Variants in OR2Z1 observed in about 807,000 individuals in gnomAD.
OR2Z1 encodes olfactory receptor 2Z1.
For synonymous variants in OR2Z1, 188 were observed against 160.6 expected (o/e 1.17, Z -1.29); for missense variants, 449 against 401.8 (o/e 1.12, Z -1.00).
intron 2 of OR2Z1, among the ~76,000 whole-genome samples, chr19:8,724,702 C>T (rs2043320934): frequency 6.6e-6 from 1 of 152,054 alleles, no homozygotes; most frequent in South Asian, 2.1e-4. Flanking sequence ...AAGACAGATG[C>T]TCGACCACCT....
rs192485310 is a variant in OR2Z1 at position 8,729,027 on chromosome 19, T to C, written c.-169-1833T>C. 32 of 969,498 alleles carry C rather than the reference T, an allele frequency of 3.3e-5. 1 individual carries two copies. The highest frequency in any genetic ancestry group is 3.1e-4 in the African/African-American group (19 of 61,736). The allele number at this position is 969,498 out of a possible 1,614,324, so 60.1% of individuals were successfully genotyped here. ...TCTCCTGGGGGTGCTCTTTCGAGGA[T>C]ATTTGGGCTGCCTCCGGAGTCACAG... On this transcript the variant is annotated intron_variant, in intron 2 of 2. Coordinates refer to ENST00000641125, the MANE Select transcript of OR2Z1 (RefSeq NM_001004699.3).
At position 8,728,409 on chromosome 19, in the gene OR2Z1, C is replaced by T. The variant is rs570573245; in HGVS notation, c.-169-2451C>T. ...AAATTGAGTCAGACTACCCACAGGCCGCTGCTCTCCCATCCAATGCAGTGA... is the reference window on the plus strand; with the variant it reads ...AAATTGAGTCAGACTACCCACAGGCTGCTGCTCTCCCATCCAATGCAGTGA... On this transcript the variant is annotated intron_variant, in intron 2 of 2. Transcript: ENST00000641125. Among the ~76,000 whole-genome samples, 7 of 152,242 alleles carry T rather than the reference C, an allele frequency of 4.6e-5. No homozygotes were observed. In the South Asian group the frequency reaches 1.2e-3, roughly 27 times the overall value.
At chr19:8,724,077 GC>G (rs1376251546) in intron 2 of OR2Z1, among the ~76,000 whole-genome samples, 3 of 151,232 alleles carry the variant, frequency 2.0e-5, no homozygotes, top group African/African-American at 7.3e-5. Flanking sequence ...TGTGTGAAAT[GC>G]CGATGCAAGA....
chr19:8,727,159 G>T (rs539637019), intron 2 of OR2Z1, among the ~76,000 whole-genome samples: 1 of 152,174 alleles, frequency 6.6e-6, no homozygotes, highest in East Asian at 1.9e-4. Context: ...GCCCAGGCTG[G>T]TCTCAAACTC....
At chr19:8,729,022 G>A (rs1264179652) in intron 2 of OR2Z1, 12 of 925,390 alleles carry the variant, frequency 1.3e-5, no homozygotes, top group Admixed American at 7.0e-5. Context: ...GTGCTCTTTC[G>A]AGGATATTTG....
At chr19:8,728,701 T>A (rs533412817) in intron 2 of OR2Z1, 6 of 546,332 alleles carry the variant, frequency 1.1e-5, no homozygotes, top group Middle Eastern at 1.2e-3. Context: ...TGAAAAGATA[T>A]ACATATATTT....
chr19:8,726,327 GA>G (rs1184095810), intron 2 of OR2Z1, among the ~76,000 whole-genome samples: 2 of 152,118 alleles, frequency 1.3e-5, no homozygotes, highest in African/African-American at 4.8e-5. Context: ...GACCAAGGGG[GA>G]TGGTACTAAA....
chr19:8,731,720 A>T lies in OR2Z1; in HGVS notation c.692A>T (p.Glu231Val), dbSNP rs782483467. 6.2e-7 allele frequency: 1 copy of T among 1,614,124 alleles called. No homozygotes were observed. The highest frequency in any genetic ancestry group is 8.5e-7 in the Non-Finnish European group (1 of 1,180,024). ...VLQAVLSMRS[E>V]EARHKAVTTC... ...CAGGCTGTTCTAAGCATGCGCTCAG[A>T]GGAGGCCAGACACAAGGCTGTCACC... Residue 231 changes from glutamate (E) to valine (V), a missense_variant, in exon 3 of 3, where the codon GAG becomes GTG. Transcript: ENST00000641125.
chr19:8,725,442 C>T (rs1183675034), intron 2 of OR2Z1, among the ~76,000 whole-genome samples: 1 of 152,144 alleles, frequency 6.6e-6, no homozygotes, highest in African/African-American at 2.4e-5. Flanking sequence ...AGGGTTTCAC[C>T]TTGTTGGCTG....
intron 2 of OR2Z1, among the ~76,000 whole-genome samples, chr19:8,730,473 G>A (rs188826370): frequency 1.2e-4 from 18 of 152,038 alleles, no homozygotes; most frequent in African/African-American, 4.3e-4. Context: ...AGGCTGGAGT[G>A]CAGTGGCATG....
chr19:8,731,513 T>A lies in OR2Z1; in HGVS notation c.485T>A (p.Ile162Asn). 1 of 1,614,078 alleles carries A rather than the reference T, an allele frequency of 6.2e-7. No individual in the cohort carries two copies. Among genetic ancestry groups the A allele is most frequent in the Non-Finnish European group, 8.5e-7 (1 of 1,180,024 alleles). Residue 162 changes from isoleucine to asparagine, a missense_variant, in exon 3 of 3, where the codon ATC becomes AAC. Transcript: ENST00000641125. ...CTCAACGCCTCCATCCAGACCTCCATCACCCTGCATTTTCCCTACTGTGCC... is the reference window on the plus strand; with the variant it reads ...CTCAACGCCTCCATCCAGACCTCCAACACCCTGCATTTTCCCTACTGTGCC... ...GVLNASIQTS[I>N]TLHFPYCASR...
Position 8,732,129 on chromosome 19 carries a change from T to C in OR2Z1, c.*156T>C, listed in dbSNP as rs1340436698. On this transcript the variant is annotated 3_prime_UTR_variant, in exon 3 of 3. Transcript: ENST00000641125. ...TTTGAGAAAATGTCTGCCTTTTAAATTGAGGTAGAATACACGTAACATAAA... is the reference window on the plus strand; with the variant it reads ...TTTGAGAAAATGTCTGCCTTTTAAACTGAGGTAGAATACACGTAACATAAA... 1.1e-5 allele frequency: 7 copies of C among 627,634 alleles called. No homozygotes were observed. Among genetic ancestry groups the C allele is most frequent in the Non-Finnish European group, 1.7e-5 (6 of 357,872 alleles). The allele number at this position is 627,634 out of a possible 1,614,324, so 38.9% of individuals were successfully genotyped here.
chr19:8,731,984 A>G lies in OR2Z1; in HGVS notation c.*11A>G. The G allele has an allele frequency of 6.3e-7, 1 of 1,594,224 alleles. No individual in the cohort carries two copies. Among genetic ancestry groups the G allele is most frequent in the Non-Finnish European group, 8.6e-7 (1 of 1,165,434 alleles). On this transcript the variant is annotated 3_prime_UTR_variant, in exon 3 of 3. Transcript: ENST00000641125. Reference sequence around the variant, plus strand: ...AGGCAAATGTGCTGACTACATAGAAACTGCTGGTGAGATTCCAGCGGTCCT... The same window carrying G: ...AGGCAAATGTGCTGACTACATAGAAGCTGCTGGTGAGATTCCAGCGGTCCT...
chr19:8,727,799 G>A (rs112226668), intron 2 of OR2Z1, among the ~76,000 whole-genome samples: 147 of 152,264 alleles, frequency 9.7e-4, no homozygotes, highest in African/African-American at 2.9e-3. Flanking sequence ...CCGGGGAGGC[G>A]GAAGTTGCAG....
rs1555756913 is a variant in OR2Z1 at position 8,732,108 on chromosome 19, A to T, written c.*135A>T. ...CCATTGCCCAAGGTGCAACTTTTTGAGAAAATGTCTGCCTTTTAAATTGAG... is the reference window on the plus strand; with the variant it reads ...CCATTGCCCAAGGTGCAACTTTTTGTGAAAATGTCTGCCTTTTAAATTGAG... On this transcript the variant is annotated 3_prime_UTR_variant, in exon 3 of 3. Coordinates refer to ENST00000641125, the MANE Select transcript of OR2Z1 (RefSeq NM_001004699.3). 1.5e-6 allele frequency: 1 copy of T among 666,252 alleles called. No homozygotes were observed. 41.3% of individuals were successfully genotyped at this position (666,252 alleles called of 1,614,324 possible). A position where few individuals can be genotyped will look rare whatever the true frequency, so the allele number is the denominator to read the frequency against.
chr19:8,731,580 A>G lies in OR2Z1; in HGVS notation c.552A>G (p.Leu184=), dbSNP rs781989754. The change falls in exon 3 of 3, where the codon CTA becomes CTG. Residue 184 remains leucine, a synonymous_variant. Transcript: ENST00000641125. The part of the protein sequence containing the change: ...VDHFFCEVPA[L]LKLSCADTCA... ...ACTTCTTCTGTGAGGTGCCAGCCCT[A>G]CTGAAGCTCTCCTGTGCAGATACCT... 1.2e-6 allele frequency: 2 copies of G among 1,613,756 alleles called. No individual in the cohort carries two copies. The highest frequency in any genetic ancestry group is 1.7e-6 in the Non-Finnish European group (2 of 1,179,986).
intron 2 of OR2Z1, among the ~76,000 whole-genome samples, chr19:8,723,613 C>T (rs543651819): frequency 1.2e-4 from 18 of 150,548 alleles, no homozygotes; most frequent in East Asian, 2.0e-4. Context: ...ACATACAGTG[C>T]GTGTGTGTGT....
chr19:8,728,676 GTT>G (rs148970559), intron 2 of OR2Z1: 7 of 446,040 alleles, frequency 1.6e-5, no homozygotes, highest in African/African-American at 1.0e-4. Context: ...CCAATAGGTA[GTT>G]TTTTTTTTAT....
chr19:8,726,437 A>G (rs2043327865), intron 2 of OR2Z1, among the ~76,000 whole-genome samples: 3 of 152,258 alleles, frequency 2.0e-5, no homozygotes, highest in African/African-American at 7.2e-5. Flanking sequence ...GGGTGGGGAC[A>G]CAGGTCCAAA....
Sources: gnomAD v4.1 joint callset for allele counts (sites outside exome capture counted in the v4.1 genomes callset) on GRCh38, gnomAD v4.1.1 for gene constraint, MANE v1.5 for transcripts, NCBI Gene and HGNC (gene_info 2026-07-23, HGNC 2026-07-21) for gene names.